AGTPBP1: variants seen among roughly 807,000 people sequenced by gnomAD.
The protein encoded by AGTPBP1 is cytosolic carboxypeptidase 1.
AGTPBP1 carries 70 observed loss-of-function variants against 143.9 expected under a neutral mutation model. That is an observed-to-expected ratio of 0.49 (90% CI 0.40 to 0.59). AGTPBP1 has a LOEUF of 0.59. Among genes scored for constraint, AGTPBP1 ranks in the 20% least tolerant of loss-of-function variants. The pLI is 0.00. For synonymous variants in AGTPBP1, 463 were observed against 500.2 expected (o/e 0.93, Z 0.99); for missense variants, 1,229 against 1,464.5 (o/e 0.84, Z 2.62).
At chr9:85,576,958 G>T (rs1827936999) in intron 24 of AGTPBP1, among the ~76,000 whole-genome samples, 1 of 151,554 alleles carries the variant, frequency 6.6e-6, no homozygotes, top group African/African-American at 2.4e-5. Context: ...TATTTATTAG[G>T]TATCCATTTT....
intron 23 of AGTPBP1, among the ~76,000 whole-genome samples, chr9:85,580,034 G>A (rs1403591587): frequency 6.6e-6 from 1 of 151,736 alleles, no homozygotes; most frequent in Non-Finnish European, 1.5e-5. Flanking sequence ...TCAGGAGTTC[G>A]AGACCAGCCT....
At chr9:85,618,919 A>G in intron 17 of AGTPBP1, 64 bp downstream of exon 17, 1 of 1,492,280 alleles carries the variant, frequency 6.7e-7, no homozygotes, top group African/African-American at 1.4e-5. Flanking sequence ...TTTTTTAAAA[A>G]AACTTCTTTT....
intron 25 of AGTPBP1, among the ~76,000 whole-genome samples, chr9:85,571,265 A>C (rs1429682218): frequency 6.6e-6 from 1 of 152,236 alleles, no homozygotes; most frequent in East Asian, 1.9e-4. Flanking sequence ...GGAAGCATTG[A>C]AGAAATGATT....
chr9:85,662,648 ATG>A (rs1382793278), intron 8 of AGTPBP1, among the ~76,000 whole-genome samples: 3 of 152,154 alleles, frequency 2.0e-5, no homozygotes, highest in South Asian at 2.1e-4. Flanking sequence ...TGCTTTATAT[ATG>A]TGTTTTCTAG....
In AGTPBP1 at chr9:85,589,692, A is replaced by T; in HGVS notation, c.2569-11T>A. 6.2e-7 allele frequency: 1 copy of T among 1,600,394 alleles called. No individual in the cohort carries two copies. The highest frequency in any genetic ancestry group is 8.5e-7 in the Non-Finnish European group (1 of 1,174,698). On this transcript the variant is annotated splice_polypyrimidine_tract_variant and intron_variant, in intron 19 of 25. Coordinates refer to ENST00000357081, the MANE Select transcript of AGTPBP1 (RefSeq NM_001330701.2). Reference sequence around the variant, plus strand: ...TTTTTGAAGATGCATCTTGATAAAAATTTTAAAACAAAATATACAATCACT... The same window carrying T: ...TTTTTGAAGATGCATCTTGATAAAATTTTTAAAACAAAATATACAATCACT...
Position 85,578,915 on chromosome 9 carries a change from T to G in AGTPBP1, c.3342+5A>C, listed in dbSNP as rs1457796248. ...TTCATGGTTAGAAAACCTAAGATGTTTTACCTTGTATTTTCCCTGATCACA... is the reference window on the plus strand; with the variant it reads ...TTCATGGTTAGAAAACCTAAGATGTGTTACCTTGTATTTTCCCTGATCACA... On this transcript the variant is annotated splice_donor_5th_base_variant and intron_variant, in intron 24 of 25. Coordinates refer to ENST00000357081, the MANE Select transcript of AGTPBP1 (RefSeq NM_001330701.2). The G allele has an allele frequency of 6.2e-7, 1 of 1,611,822 alleles. No homozygotes were observed.
the AGTPBP1 span, among the ~76,000 whole-genome samples, chr9:85,750,514 A>T: frequency 6.6e-6 from 1 of 152,224 alleles, no homozygotes. Flanking sequence ...ACCTTGTTCT[A>T]AAAATGTAAA....
intron 1 of AGTPBP1, among the ~76,000 whole-genome samples, chr9:85,738,571 C>T (rs1199982040): frequency 6.6e-6 from 1 of 152,096 alleles, no homozygotes; most frequent in Admixed American, 6.6e-5. Flanking sequence ...GTCAAAGAAA[C>T]ACCCAATCAC....
the AGTPBP1 span, among the ~76,000 whole-genome samples, chr9:85,751,217 C>T: frequency 6.6e-6 from 1 of 152,216 alleles, no homozygotes; most frequent in African/African-American, 2.4e-5. Context: ...TCCTTTCTGC[C>T]ATTCCCAGGG....
chr9:85,579,210 G>T, intron 23 of AGTPBP1, 114 bp from the exon 24 acceptor site: 1 of 1,034,026 alleles, frequency 9.7e-7, no homozygotes, highest in Non-Finnish European at 1.4e-6. Context: ...CCATGTGGAT[G>T]TTCTATTATA....
chr9:85,597,350 TCTC>T (rs1264202059), intron 17 of AGTPBP1, among the ~76,000 whole-genome samples: 3 of 152,050 alleles, frequency 2.0e-5, no homozygotes, highest in Non-Finnish European at 4.4e-5. Flanking sequence ...AAATATTTTA[TCTC>T]CTCTTCTAGT....
At chr9:85,726,241 AAC>A (rs1491050743) in intron 1 of AGTPBP1, among the ~76,000 whole-genome samples, 8 of 151,016 alleles carry the variant, frequency 5.3e-5, no homozygotes, top group African/African-American at 1.9e-4. Flanking sequence ...AAAAAAAAAA[AAC>A]AAAAAACAAA....
At chr9:85,721,996 C>A (rs1461832942) in intron 1 of AGTPBP1, among the ~76,000 whole-genome samples, 1 of 152,178 alleles carries the variant, frequency 6.6e-6, no homozygotes, top group African/African-American at 2.4e-5. Context: ...TGAATATTAG[C>A]CCCCACTCTC....
chr9:85,783,266 C>CTAA, the AGTPBP1 span, among the ~76,000 whole-genome samples: 2 of 152,090 alleles, frequency 1.3e-5, no homozygotes, highest in African/African-American at 2.4e-5. Context: ...ACTATTTCAG[C>CTAA]TAATTTGCTA....
At chr9:85,660,349 G>A (rs1833781899) in intron 9 of AGTPBP1, among the ~76,000 whole-genome samples, 1 of 151,964 alleles carries the variant, frequency 6.6e-6, no homozygotes, top group Admixed American at 6.6e-5. Context: ...TCAGTATCTT[G>A]GAGAGAAAAA....
intron 1 of AGTPBP1, among the ~76,000 whole-genome samples, chr9:85,723,364 T>C (rs1838257886): frequency 6.6e-6 from 1 of 152,176 alleles, no homozygotes; most frequent in African/African-American, 2.4e-5. Context: ...TTGTTTACAC[T>C]GTGAGCACAA....
chr9:85,686,443 T>C (rs569965846), intron 3 of AGTPBP1, among the ~76,000 whole-genome samples: 17 of 152,216 alleles, frequency 1.1e-4, no homozygotes, highest in Non-Finnish European at 2.4e-4. Flanking sequence ...ATCTTCACCC[T>C]CTTATAGCCC....
Position 85,596,301 on chromosome 9 carries a change from G to A in AGTPBP1, c.2423+61C>T. On this transcript the variant is annotated intron_variant, in intron 18 of 25. Coordinates refer to ENST00000357081, the MANE Select transcript of AGTPBP1 (RefSeq NM_001330701.2). Reference sequence around the variant, plus strand: ...TACTGTTTCCTTTTACACTGAAACAGGATGTACTTAATACTGCCTTCTGTA... The same window carrying A: ...TACTGTTTCCTTTTACACTGAAACAAGATGTACTTAATACTGCCTTCTGTA... 2.6e-6 allele frequency: 3 copies of A among 1,133,322 alleles called. 1 individual carries two copies. In the South Asian group the frequency reaches 4.2e-5, roughly 16 times the overall value. 70.2% of individuals were successfully genotyped at this position (1,133,322 alleles called of 1,614,324 possible). A position where few individuals can be genotyped will look rare whatever the true frequency, so the allele number is the denominator to read the frequency against.
intron 11 of AGTPBP1, 78 bp downstream of exon 11, chr9:85,655,065 G>A: frequency 7.6e-7 from 1 of 1,310,202 alleles, no homozygotes; most frequent in East Asian, 2.6e-5. Context: ...TGAGGAGTTA[G>A]ACATAAATAA....
Sources: gnomAD v4.1 joint callset for allele counts (sites outside exome capture counted in the v4.1 genomes callset) on GRCh38, gnomAD v4.1.1 for gene constraint, MANE v1.5 for transcripts, NCBI Gene and HGNC (gene_info 2026-07-23, HGNC 2026-07-21) for gene names.